The following KCNT1 variants were observed in gnomAD, a reference collection of about 807,000 sequenced individuals.
The protein encoded by KCNT1 is potassium sodium-activated channel subfamily T member 1, also known as potassium channel subfamily T member 1.
KCNT1 carries 78 observed loss-of-function variants against 147.8 expected under a neutral mutation model. The ratio of observed to expected loss-of-function variants is 0.53; its 90% CI spans 0.44 to 0.64. KCNT1 has a LOEUF of 0.64. Among genes scored for constraint, KCNT1 ranks in the 30% least tolerant of loss-of-function variants. The pLI is 0.00. For synonymous variants in KCNT1, 867 were observed against 748.8 expected (o/e 1.16, Z -2.58); for missense variants, 1,419 against 1,750.3 (o/e 0.81, Z 3.38).
Position 135,714,488 on chromosome 9 carries a change from C to T in KCNT1, c.111-89C>T, listed in dbSNP as rs886373529. ...TGGGTCGCGGTGGCCGCGGGCTGCGCTGCGCGGGCCGGGCCTGGCGGGCCG... is the reference window on the plus strand; with the variant it reads ...TGGGTCGCGGTGGCCGCGGGCTGCGTTGCGCGGGCCGGGCCTGGCGGGCCG... On this transcript the variant is annotated intron_variant, in intron 1 of 30. Transcript: ENST00000371757. The surrounding 1 kb of genome is among the most constrained non-coding windows in gnomAD (Gnocchi z 6.2). 6 of 896,060 alleles carry T rather than the reference C, an allele frequency of 6.7e-6. No homozygotes were observed. The African/African-American group carries it at 1.1e-4, about 16-fold the overall frequency. The allele number at this position is 896,060 out of a possible 1,614,324, so 55.5% of individuals were successfully genotyped here.
intron 4 of KCNT1, 93 bp downstream of exon 4, chr9:135,751,134 G>A: frequency 1.7e-6 from 2 of 1,193,426 alleles, no homozygotes; most frequent in Admixed American, 1.7e-5. Flanking sequence ...GTCCCTGGGG[G>A]AGCCCCTGTG....
chr9:135,720,548 GC>G (rs1835885003), intron 2 of KCNT1, among the ~76,000 whole-genome samples: 1 of 149,010 alleles, frequency 6.7e-6, no homozygotes, highest in Non-Finnish European at 1.5e-5. Context: ...CCATCATCCT[GC>G]CCCCACACAC....
intron 16 of KCNT1, 91 bp downstream of exon 16, chr9:135,770,146 T>TCC (rs1374057822): frequency 2.9e-6 from 4 of 1,394,908 alleles, no homozygotes; most frequent in Non-Finnish European, 3.9e-6. Context: ...GGGATGGGCT[T>TCC]CCCAGAGGAG....
intron 1 of KCNT1, among the ~76,000 whole-genome samples, chr9:135,707,377 G>A (rs1835299623): frequency 6.6e-6 from 1 of 152,118 alleles, no homozygotes; most frequent in African/African-American, 2.4e-5. Context: ...TCCCCTGCCG[G>A]CTCCAGGCTG....
At chr9:135,785,478 GC>G (rs1833972206) in intron 28 of KCNT1, 148 bp downstream of exon 28, 2 of 980,476 alleles carry the variant, frequency 2.0e-6, no homozygotes, top group Non-Finnish European at 3.1e-6. Flanking sequence ...GGATGTGTCG[GC>G]CCCAGCACGG....
At chr9:135,732,024 A>AGAGAGAGAGAGAGAGAGGGG (rs1836497544) in intron 2 of KCNT1, among the ~76,000 whole-genome samples, 1 of 65,084 alleles carries the variant, frequency 1.5e-5, no homozygotes, top group Admixed American at 1.6e-4. Context: ...AGAGAGAGAG[A>AGAGAGAGAGAGAGAGAGGGG]GAGAGAGAGA....
At position 135,727,965 on chromosome 9, in the gene KCNT1, C is replaced by T. The variant is rs79251307; in HGVS notation, c.254+13245C>T. 5.3e-3 allele frequency among the ~76,000 whole-genome samples: 810 copies of T among 152,364 alleles called. 4 individuals carry two copies. Among genetic ancestry groups the T allele is most frequent in the Middle Eastern group, 0.037 (11 of 294 alleles). ...TGGCCCAAAACGCAGTCACAAAGTC[C>T]TTAAAAGAGGGCGGCAAAGAGGGTT... On this transcript the variant is annotated intron_variant, in intron 2 of 30. Coordinates refer to ENST00000371757, the MANE Select transcript of KCNT1 (RefSeq NM_020822.3).
chr9:135,729,545 A>G (rs1836347642), intron 2 of KCNT1, among the ~76,000 whole-genome samples: 1 of 152,214 alleles, frequency 6.6e-6, no homozygotes. Context: ...TCTACCCTAC[A>G]GAACTGAGAA....
intron 2 of KCNT1, among the ~76,000 whole-genome samples, chr9:135,732,024 A>AGAGAGGGAGAGAGAGAGGGAGG (rs1554766188): frequency 1.5e-5 from 1 of 65,084 alleles, no homozygotes; most frequent in Admixed American, 1.6e-4. Flanking sequence ...AGAGAGAGAG[A>AGAGAGGGAGAGAGAGAGGGAGG]GAGAGAGAGA....
intron 24 of KCNT1, among the ~76,000 whole-genome samples, 178 bp from the exon 25 acceptor site, chr9:135,783,846 T>C (rs980092878): frequency 6.6e-6 from 1 of 152,228 alleles, no homozygotes; most frequent in Non-Finnish European, 1.5e-5. Context: ...GGCCTGCCGG[T>C]GTATGCACAC....
At chr9:135,759,509 C>G (rs1207794296) in intron 10 of KCNT1, among the ~76,000 whole-genome samples, 170 bp from the exon 11 acceptor site, 1 of 152,190 alleles carries the variant, frequency 6.6e-6, no homozygotes, top group East Asian at 1.9e-4. Context: ...GACAGATGGG[C>G]AGGGCTGAGG....
At chr9:135,702,870 T>C (rs2060366408) in intron 1 of KCNT1, 1 of 156,590 alleles carries the variant, frequency 6.4e-6, no homozygotes, top group African/African-American at 2.4e-5. Flanking sequence ...GGAAGTGGGC[T>C]AAGTGGCTGT....
intron 11 of KCNT1, among the ~76,000 whole-genome samples, chr9:135,764,467 A>AC (rs1491294757): frequency 6.6e-6 from 1 of 152,182 alleles, no homozygotes; most frequent in East Asian, 1.9e-4. Context: ...CTCAAAAAAA[A>AC]GAAAAGCCAA....
chr9:135,734,092 G>A (rs1439885785), intron 2 of KCNT1, among the ~76,000 whole-genome samples: 2 of 152,210 alleles, frequency 1.3e-5, no homozygotes, highest in African/African-American at 2.4e-5. Flanking sequence ...CCTCTCTGCA[G>A]GGCTCTTGGA....
At chr9:135,747,817 A>G (rs1038596474) in intron 2 of KCNT1, among the ~76,000 whole-genome samples, 10 of 152,062 alleles carry the variant, frequency 6.6e-5, no homozygotes, top group Non-Finnish European at 1.2e-4. Flanking sequence ...AGCCCTGAGT[A>G]TGCCCGGTGG....
At chr9:135,709,415 C>G (rs938290437) in intron 1 of KCNT1, among the ~76,000 whole-genome samples, 3 of 152,254 alleles carry the variant, frequency 2.0e-5, no homozygotes, top group East Asian at 1.9e-4. Flanking sequence ...CCTGGGCCTC[C>G]TCGGCCACAG....
intron 4 of KCNT1, 182 bp from the exon 5 acceptor site, chr9:135,753,755 G>A: frequency 1.6e-6 from 1 of 636,394 alleles, no homozygotes; most frequent in South Asian, 1.8e-5. Context: ...GATCTCCGCA[G>A]TAGGTGGGGA....
Position 135,792,459 on chromosome 9 carries a change from C to T in KCNT1, c.*298C>T, listed in dbSNP as rs368804103. 24 of 296,330 alleles carry T rather than the reference C, an allele frequency of 8.1e-5. No individual in the cohort carries two copies. The highest frequency in any genetic ancestry group is 2.0e-4 in the African/African-American group (9 of 45,154). 18.4% of individuals were successfully genotyped at this position (296,330 alleles called of 1,614,324 possible). The stretch of plus-strand genomic sequence containing the variant: ...TGACCAGGGCTGGCTGGGAGGGCAA[C>T]GCAGGGACTGGACGCCCTACAGGGC... On this transcript the variant is annotated 3_prime_UTR_variant, in exon 31 of 31. Coordinates refer to ENST00000371757, the MANE Select transcript of KCNT1 (RefSeq NM_020822.3).
intron 2 of KCNT1, chr9:135,742,665 ATCTG>A (rs1564336767): frequency 1.1e-5 from 8 of 702,310 alleles, no homozygotes; most frequent in Non-Finnish European, 2.1e-5. Flanking sequence ...CAGGCTCTCC[ATCTG>A]TCTGTCTACT....
Sources: allele counts gnomAD v4.1 joint callset (sites outside exome capture counted in the v4.1 genomes callset), GRCh38; gene constraint gnomAD v4.1.1; non-coding constraint Gnocchi (gnomAD v3.1); transcripts MANE v1.5; gene names NCBI Gene and HGNC (gene_info 2026-07-23, HGNC 2026-07-21).